SORCS1: variants seen among roughly 807,000 people sequenced by gnomAD.
SORCS1 encodes the protein VPS10 domain-containing receptor SorCS1.
SORCS1 carries 60 observed loss-of-function variants against 146.1 expected under a neutral mutation model. That is an observed-to-expected ratio of 0.41 (90% confidence interval 0.33 to 0.51). The LOEUF (loss-of-function observed/expected upper bound fraction) is 0.51. SORCS1 is among the 20% of genes least tolerant of loss of function. SORCS1 has a pLI of 0.21. For synonymous variants in SORCS1, 637 were observed against 584.0 expected (o/e 1.09, Z -1.31); for missense variants, 1,352 against 1,487.6 (o/e 0.91, Z 1.50).
intron 1 of SORCS1, among the ~76,000 whole-genome samples, chr10:107,124,998 G>A (rs1227625437): frequency 1.4e-5 from 2 of 146,174 alleles, no homozygotes; most frequent in Non-Finnish European, 3.0e-5. Context: ...CTGTTGCCAG[G>A]CTGGAGTGCA....
intron 5 of SORCS1, among the ~76,000 whole-genome samples, chr10:106,741,387 C>T (rs1857350144): frequency 6.6e-6 from 1 of 152,026 alleles, no homozygotes; most frequent in East Asian, 1.9e-4. Context: ...TTGTTTGAAG[C>T]CAGGAGGTGA....
At chr10:107,078,465 C>T (rs1368379102) in intron 1 of SORCS1, among the ~76,000 whole-genome samples, 8 of 152,170 alleles carry the variant, frequency 5.3e-5, no homozygotes, top group Non-Finnish European at 1.0e-4. Flanking sequence ...TGCATGTGAA[C>T]GCCTTCTACA....
At chr10:107,098,591 C>T (rs1448649746) in intron 1 of SORCS1, among the ~76,000 whole-genome samples, 2 of 152,100 alleles carry the variant, frequency 1.3e-5, no homozygotes, top group African/African-American at 4.8e-5. Flanking sequence ...GCCAACACCT[C>T]GTTGTTAAAG....
At chr10:107,035,163 A>T (rs1176692448) in intron 1 of SORCS1, among the ~76,000 whole-genome samples, 1 of 150,500 alleles carries the variant, frequency 6.6e-6, no homozygotes, top group East Asian at 2.0e-4. Flanking sequence ...CCAGATCCAG[A>T]TGATTTCCAG....
intron 3 of SORCS1, among the ~76,000 whole-genome samples, chr10:106,780,317 G>T (rs1005151777): frequency 1.3e-5 from 2 of 152,164 alleles, no homozygotes; most frequent in Non-Finnish European, 2.9e-5. Flanking sequence ...AGTTTAGAAT[G>T]ACTCTTTATC....
chr10:106,919,837 A>G (rs189421427), intron 2 of SORCS1, among the ~76,000 whole-genome samples: 1 of 152,352 alleles, frequency 6.6e-6, no homozygotes. Flanking sequence ...CATTGTTTCA[A>G]TATGAATATT....
chr10:107,058,533 G>C (rs948421904), intron 1 of SORCS1, among the ~76,000 whole-genome samples: 3 of 152,152 alleles, frequency 2.0e-5, no homozygotes, highest in Non-Finnish European at 4.4e-5. Context: ...GGCACTTCAG[G>C]CTGTCTTACT....
At chr10:106,886,679 A>G (rs1328826321) in intron 2 of SORCS1, among the ~76,000 whole-genome samples, 1 of 152,232 alleles carries the variant, frequency 6.6e-6, no homozygotes, top group Non-Finnish European at 1.5e-5. Context: ...GAAGTAAACT[A>G]AATGTACCAA....
At chr10:107,003,429 A>AGTGTGTGTGTGTGTGTGT in intron 1 of SORCS1, among the ~76,000 whole-genome samples, 2 of 140,530 alleles carry the variant, frequency 1.4e-5, no homozygotes, top group Admixed American at 1.5e-4. Context: ...AATTCCCATA[A>AGTGTGTGTGTGTGTGTGT]GTGTGTGTGT....
intron 3 of SORCS1, among the ~76,000 whole-genome samples, chr10:106,798,537 G>A (rs1395373542): frequency 3.3e-5 from 5 of 150,446 alleles, no homozygotes; most frequent in African/African-American, 1.2e-4. Context: ...AACATGCAGT[G>A]TTTGGTTTTT....
At chr10:106,720,575 C>G (rs574023878) in intron 6 of SORCS1, among the ~76,000 whole-genome samples, 2 of 150,048 alleles carry the variant, frequency 1.3e-5, no homozygotes, top group Admixed American at 1.3e-4. Flanking sequence ...TTTTTAAGTA[C>G]GATGCTACTT....
At position 106,970,336 on chromosome 10, in the gene SORCS1, C is replaced by CTTTTTTTTTTTTTTTTTTTTTTTTT. The variant is rs766818370; in HGVS notation, c.559-13757_559-13756insAAAAAAAAAAAAAAAAAAAAAAAAA. ...TTCCCTCCAAATGTAACCAACATCT[C>CTTTTTTTTTTTTTTTTTTTTTTTTT]TTTTTTTTTTTTTTTTTTTGAGATG... is the stretch of plus-strand genomic sequence containing the variant. On this transcript the variant is annotated intron_variant, in intron 1 of 25. Coordinates refer to ENST00000263054, the MANE Select transcript of SORCS1 (RefSeq NM_052918.5). Among the ~76,000 whole-genome samples, 46 of 89,430 alleles carry CTTTTTTTTTTTTTTTTTTTTTTTTT rather than the reference C, an allele frequency of 5.1e-4. 9 individuals are homozygous for CTTTTTTTTTTTTTTTTTTTTTTTTT. Among genetic ancestry groups the CTTTTTTTTTTTTTTTTTTTTTTTTT allele is most frequent in the African/African-American group, 2.3e-3 (42 of 18,460 alleles). 58.7% of individuals were successfully genotyped at this position (89,430 alleles called of 152,430 possible).
At chr10:107,082,513 T>C (rs1963409302) in intron 1 of SORCS1, among the ~76,000 whole-genome samples, 1 of 152,130 alleles carries the variant, frequency 6.6e-6, no homozygotes, top group African/African-American at 2.4e-5. Context: ...AGTCACGCTC[T>C]GTCGCACAAA....
At chr10:106,983,815 G>A (rs998549592) in intron 1 of SORCS1, among the ~76,000 whole-genome samples, 2 of 152,150 alleles carry the variant, frequency 1.3e-5, no homozygotes, top group African/African-American at 4.8e-5. Flanking sequence ...CAGCAAAACT[G>A]GAGCCTAAAT....
chr10:106,801,384 T>C (rs571171869), intron 3 of SORCS1, among the ~76,000 whole-genome samples: 2 of 152,276 alleles, frequency 1.3e-5, no homozygotes, highest in South Asian at 4.1e-4. Flanking sequence ...TGGTCTATTT[T>C]TTTTACTAAT....
At chr10:106,945,518 G>C (rs1954293764) in intron 2 of SORCS1, among the ~76,000 whole-genome samples, 1 of 152,198 alleles carries the variant, frequency 6.6e-6, no homozygotes, top group African/African-American at 2.4e-5. Context: ...GTGGTGATCT[G>C]TATCTCAAGG....
chr10:106,930,474 T>A (rs1953360323), intron 2 of SORCS1, among the ~76,000 whole-genome samples: 2 of 152,200 alleles, frequency 1.3e-5, no homozygotes, highest in South Asian at 4.1e-4. Context: ...CCCTCAGCTC[T>A]CCTTGCTTCA....
chr10:107,171,555 C>G, the SORCS1 span, among the ~76,000 whole-genome samples: 1 of 119,684 alleles, frequency 8.4e-6, no homozygotes, highest in South Asian at 2.8e-4. Context: ...CTAACTCTGT[C>G]TCCCAGGCTG....
chr10:106,867,804 C>G (rs1950274969), intron 2 of SORCS1, among the ~76,000 whole-genome samples: 3 of 152,116 alleles, frequency 2.0e-5, no homozygotes, highest in Non-Finnish European at 4.4e-5. Context: ...CAAAAACAAA[C>G]CAGCATAATA....
Sources: gnomAD v4.1 joint callset for allele counts (sites outside exome capture counted in the v4.1 genomes callset) on GRCh38, gnomAD v4.1.1 for gene constraint, MANE v1.5 for transcripts, NCBI Gene and HGNC (gene_info 2026-07-23, HGNC 2026-07-21) for gene names.